The following TSPAN14 variants were observed in gnomAD, a reference collection of about 807,000 sequenced individuals.
TSPAN14 encodes tetraspanin 14.
A neutral mutation model predicts 36.6 loss-of-function variants in TSPAN14; 16 were observed. The observed-to-expected ratio is 0.44, with a 90% CI of 0.30 to 0.66. The LOEUF is 0.66. TSPAN14 is among the 30% of genes least tolerant of loss of function. TSPAN14 has a pLI of 0.12. For missense variants in TSPAN14, 231 were observed against 355.1 expected, an observed-to-expected ratio of 0.65 and a Z score of 2.81; for synonymous variants, 139 against 143.8, an observed-to-expected ratio of 0.97 and a Z score of 0.24.
chr10:80,457,933 C>T (rs148769349), intron 1 of TSPAN14, among the ~76,000 whole-genome samples: 85 of 152,340 alleles, frequency 5.6e-4, no homozygotes, highest in Middle Eastern at 3.4e-3. Flanking sequence ...AGTGGGAACA[C>T]CCCTGGTGGC....
chr10:80,468,625 G>T (rs546840656), intron 1 of TSPAN14: 1 of 152,260 alleles, frequency 6.6e-6, no homozygotes, highest in South Asian at 2.1e-4. Flanking sequence ...AGCTTGCTGC[G>T]CTGTAGAATC....
chr10:80,479,505 A>C (rs1490463044), intron 1 of TSPAN14, among the ~76,000 whole-genome samples: 3 of 152,180 alleles, frequency 2.0e-5, no homozygotes, highest in African/African-American at 7.2e-5. Flanking sequence ...TCAGCTTTCT[A>C]CATATGGCTA....
chr10:80,484,387 T>A, intron 1 of TSPAN14, among the ~76,000 whole-genome samples: 1 of 152,084 alleles, frequency 6.6e-6, no homozygotes, highest in East Asian at 1.9e-4. Context: ...TGCAGTGGTG[T>A]CATCACTGTT....
chr10:80,507,522 C>T, intron 4 of TSPAN14, 148 bp downstream of exon 4: 1 of 1,133,654 alleles, frequency 8.8e-7, no homozygotes, highest in Non-Finnish European at 1.2e-6. Context: ...CAGCCATTTG[C>T]ACTCTACTGT....
At chr10:80,496,949 T>G (rs577081152) in intron 2 of TSPAN14, among the ~76,000 whole-genome samples, 14 of 152,276 alleles carry the variant, frequency 9.2e-5, no homozygotes, top group African/African-American at 3.4e-4. Flanking sequence ...ATTTACTGAA[T>G]TTTTTCTCTT....
At chr10:80,506,235 A>AGCCCACTTT (rs1840292306) in intron 3 of TSPAN14, among the ~76,000 whole-genome samples, 2 of 152,220 alleles carry the variant, frequency 1.3e-5, no homozygotes, top group Non-Finnish European at 2.9e-5. Flanking sequence ...GGCCTCCCAA[A>AGCCCACTTT]GTGCTGGGAT....
exon 9 of TSPAN14, chr10:80,519,511 A>ATGAT (rs1282348560): frequency 4.7e-5 from 2 of 42,246 alleles, no homozygotes; most frequent in Non-Finnish European, 7.5e-5. Context: ...GCTGTTGATG[A>ATGAT]TGATTTTTTT....
At chr10:80,481,603 G>A (rs1847278403) in intron 1 of TSPAN14, among the ~76,000 whole-genome samples, 1 of 152,166 alleles carries the variant, frequency 6.6e-6, no homozygotes, top group Non-Finnish European at 1.5e-5. Flanking sequence ...GGGGAGTAAA[G>A]GGTTAAGTCC....
chr10:80,468,411 AAAATCCCAAAC>A (rs1280325214), intron 1 of TSPAN14: 1 of 152,262 alleles, frequency 6.6e-6, no homozygotes, highest in Non-Finnish European at 1.5e-5. Context: ...GGGATGCAAC[AAAATCCCAAAC>A]AAATCCCAAA....
intron 5 of TSPAN14, among the ~76,000 whole-genome samples, chr10:80,510,926 G>A (rs1840587177): frequency 6.6e-6 from 1 of 152,076 alleles, no homozygotes; most frequent in South Asian, 2.1e-4. Flanking sequence ...AACTTCCCAG[G>A]GGAGGGATTC....
intron 2 of TSPAN14, among the ~76,000 whole-genome samples, chr10:80,502,645 T>A (rs1245270047): frequency 2.0e-5 from 3 of 150,204 alleles, no homozygotes; most frequent in Non-Finnish European, 3.0e-5. Context: ...CGGAGAAGAG[T>A]TGGGGGGAGC....
At chr10:80,492,276 C>T (rs1847959169) in intron 2 of TSPAN14, among the ~76,000 whole-genome samples, 1 of 152,182 alleles carries the variant, frequency 6.6e-6, no homozygotes, top group African/African-American at 2.4e-5. Context: ...GATTTGTATC[C>T]CCCTGCCCAA....
At chr10:80,511,410 A>G (rs1840610797) in intron 5 of TSPAN14, among the ~76,000 whole-genome samples, 1 of 152,180 alleles carries the variant, frequency 6.6e-6, no homozygotes, top group African/African-American at 2.4e-5. Flanking sequence ...CACACTAGGA[A>G]GTGTTCTCTT....
At chr10:80,464,399 C>G (rs1846132329) in intron 1 of TSPAN14, among the ~76,000 whole-genome samples, 1 of 152,128 alleles carries the variant, frequency 6.6e-6, no homozygotes, top group African/African-American at 2.4e-5. Context: ...TACGGTTCTT[C>G]CTGGGATGGG....
intron 2 of TSPAN14, among the ~76,000 whole-genome samples, chr10:80,493,605 G>T (rs184192210): frequency 1.3e-5 from 2 of 152,224 alleles, no homozygotes; most frequent in East Asian, 3.8e-4. Context: ...TACAGCATGG[G>T]TAAACCTTGA....
exon 9 of TSPAN14, chr10:80,519,944 C>T (rs1841167778): frequency 6.6e-6 from 1 of 151,738 alleles, no homozygotes; most frequent in South Asian, 2.1e-4. Context: ...CTAGAGGAAA[C>T]ATTGTTTTAG....
At chr10:80,487,359 G>A (rs1332670352) in intron 1 of TSPAN14, among the ~76,000 whole-genome samples, 3 of 152,084 alleles carry the variant, frequency 2.0e-5, no homozygotes, top group Non-Finnish European at 2.9e-5. Flanking sequence ...GCAGATTCAA[G>A]GCTCCAACGC....
intron 1 of TSPAN14, among the ~76,000 whole-genome samples, chr10:80,476,099 C>G (rs891563356): frequency 6.6e-6 from 1 of 152,112 alleles, no homozygotes; most frequent in Admixed American, 6.5e-5. Flanking sequence ...TGGCTGGGTG[C>G]GGGGGCTCAC....
At chr10:80,466,144 A>G (rs1846232819) in intron 1 of TSPAN14, among the ~76,000 whole-genome samples, 1 of 152,126 alleles carries the variant, frequency 6.6e-6, no homozygotes, top group Non-Finnish European at 1.5e-5. Flanking sequence ...ATTATAGCTT[A>G]CCCTTTCAAA....
Sources: allele counts gnomAD v4.1 joint callset (sites outside exome capture counted in the v4.1 genomes callset), GRCh38; gene constraint gnomAD v4.1.1; transcripts MANE v1.5; gene names NCBI Gene and HGNC (gene_info 2026-07-23, HGNC 2026-07-21).